The following EPHA5 variants were observed in gnomAD, a reference collection of about 807,000 sequenced individuals.
EPHA5 encodes the protein EPH receptor A5.
In EPHA5, 60 loss-of-function variants were observed where a neutral mutation model predicts 105.0. That is an observed-to-expected ratio of 0.57 (90% confidence interval 0.46 to 0.71). The LOEUF (loss-of-function observed/expected upper bound fraction) is 0.71, where lower values mean the gene tolerates loss of function less well. Among genes scored for constraint, EPHA5 ranks in the 30% least tolerant of loss-of-function variants. The pLI is 0.00. For synonymous variants in EPHA5, 513 were observed against 449.1 expected (o/e 1.14, Z -1.80); for missense variants, 1,218 against 1,274.7 (o/e 0.96, Z 0.68).
intron 8 of EPHA5, among the ~76,000 whole-genome samples, chr4:65,384,716 C>T (rs1351920931): frequency 4.0e-5 from 6 of 151,856 alleles, no homozygotes; most frequent in Non-Finnish European, 4.4e-5. Context: ...CAGCTTATTT[C>T]CACAGAAGAG....
At chr4:65,499,093 A>G (rs1027331672) in intron 3 of EPHA5, among the ~76,000 whole-genome samples, 1 of 151,422 alleles carries the variant, frequency 6.6e-6, no homozygotes, top group Non-Finnish European at 1.5e-5. Context: ...GCTCCTTATG[A>G]GCTCTGTTTC....
chr4:65,471,930 C>T (rs1010364360), intron 5 of EPHA5, among the ~76,000 whole-genome samples: 1 of 152,142 alleles, frequency 6.6e-6, no homozygotes, highest in African/African-American at 2.4e-5. Flanking sequence ...ATCATGCCTT[C>T]TCAACAGTCC....
chr4:65,614,856 A>G (rs1745089893), intron 2 of EPHA5, among the ~76,000 whole-genome samples: 1 of 151,990 alleles, frequency 6.6e-6, no homozygotes, highest in South Asian at 2.1e-4. Context: ...TACATATGCC[A>G]AAGTAAGTCT....
intron 3 of EPHA5, among the ~76,000 whole-genome samples, chr4:65,580,043 C>T (rs947594257): frequency 1.3e-5 from 2 of 151,742 alleles, no homozygotes; most frequent in African/African-American, 4.8e-5. Context: ...AGTGCTGAGC[C>T]TGCTAATAAT....
At chr4:65,508,339 G>T (rs187344012) in intron 3 of EPHA5, among the ~76,000 whole-genome samples, 32 of 152,178 alleles carry the variant, frequency 2.1e-4, no homozygotes, top group Non-Finnish European at 1.9e-4. Context: ...GTATGTTGTG[G>T]TTAACGCAAT....
chr4:65,399,128 A>T (rs1465280647), intron 8 of EPHA5, among the ~76,000 whole-genome samples: 4 of 152,148 alleles, frequency 2.6e-5, no homozygotes, highest in Admixed American at 6.5e-5. Flanking sequence ...GGGGCTTTGC[A>T]GTTTCTGGCA....
At chr4:65,605,867 GCT>G (rs1379136959) in intron 2 of EPHA5, among the ~76,000 whole-genome samples, 7 of 152,084 alleles carry the variant, frequency 4.6e-5, no homozygotes, top group Non-Finnish European at 8.8e-5. Flanking sequence ...GAGAATGAAA[GCT>G]CTCTATCCTA....
chr4:65,483,813 G>A (rs563487358), intron 5 of EPHA5, among the ~76,000 whole-genome samples: 1 of 152,198 alleles, frequency 6.6e-6, no homozygotes, highest in African/African-American at 2.4e-5. Context: ...GGCCCCTGAA[G>A]TCAAAGCTGT....
At chr4:65,417,834 C>A (rs1039005206) in intron 6 of EPHA5, among the ~76,000 whole-genome samples, 1 of 151,896 alleles carries the variant, frequency 6.6e-6, no homozygotes, top group Admixed American at 6.6e-5. Context: ...GAAGCAGCAA[C>A]GTTTTTTAAA....
Position 65,398,530 on chromosome 4 carries a change from G to A in EPHA5, c.1793+5844C>T, listed in dbSNP as rs113529453. On this transcript the variant is annotated intron_variant, in intron 8 of 16. Transcript: ENST00000613740. The stretch of plus-strand genomic sequence containing the variant: ...AAGCCAGGGATGGCCTGAAGCCTGG[G>A]GGCTAAGCTTTCACTTCTGTGATCC... Among the ~76,000 whole-genome samples the A allele has an allele frequency of 1.3e-3, 199 of 152,242 alleles. 1 individual carries two copies. The highest frequency in any genetic ancestry group is 4.5e-3 in the African/African-American group (187 of 41,550).
At chr4:65,665,557 CT>C (rs893959871) in intron 1 of EPHA5, among the ~76,000 whole-genome samples, 3 of 151,850 alleles carry the variant, frequency 2.0e-5, no homozygotes, top group African/African-American at 7.3e-5. Flanking sequence ...AAAAGTGCAC[CT>C]TTTTTTCCAT....
At chr4:65,499,048 A>G (rs1284689580) in intron 3 of EPHA5, among the ~76,000 whole-genome samples, 2 of 150,522 alleles carry the variant, frequency 1.3e-5, no homozygotes, top group South Asian at 4.2e-4. Flanking sequence ...TCCAACATCA[A>G]CAGGATTTTC....
intron 14 of EPHA5, among the ~76,000 whole-genome samples, chr4:65,345,759 C>T (rs1722155618): frequency 1.3e-5 from 2 of 150,092 alleles, no homozygotes; most frequent in Admixed American, 1.4e-4. Flanking sequence ...AATCATGCCT[C>T]TTCTTTTTCT....
intron 3 of EPHA5, among the ~76,000 whole-genome samples, chr4:65,547,401 A>C (rs1737482732): frequency 6.6e-6 from 1 of 151,882 alleles, no homozygotes; most frequent in African/African-American, 2.4e-5. Context: ...GAGATAAGGA[A>C]GCTGTTTTTA....
At chr4:65,415,085 T>A (rs1481442710) in intron 6 of EPHA5, among the ~76,000 whole-genome samples, 1 of 152,102 alleles carries the variant, frequency 6.6e-6, no homozygotes, top group African/African-American at 2.4e-5. Context: ...AGGAAAAAAA[T>A]TACTGGAAAG....
chr4:65,554,702 C>A (rs935211434), intron 3 of EPHA5, among the ~76,000 whole-genome samples: 2 of 151,658 alleles, frequency 1.3e-5, no homozygotes, highest in African/African-American at 4.8e-5. Flanking sequence ...AACATCTTTT[C>A]ATGTTAAATG....
chr4:65,353,966 G>A (rs1321010772), intron 11 of EPHA5, among the ~76,000 whole-genome samples: 1 of 151,724 alleles, frequency 6.6e-6, no homozygotes. Context: ...TTGACATGTA[G>A]CCTAGAGGTC....
intron 15 of EPHA5, among the ~76,000 whole-genome samples, chr4:65,333,058 G>A (rs867893288): frequency 6.6e-6 from 1 of 151,442 alleles, no homozygotes; most frequent in Non-Finnish European, 1.5e-5. Context: ...ATGACACTAC[G>A]TTCATATTCT....
chr4:65,527,431 G>A (rs141857685), intron 3 of EPHA5, among the ~76,000 whole-genome samples: 1 of 152,028 alleles, frequency 6.6e-6, no homozygotes, highest in South Asian at 2.1e-4. Context: ...GACACACACA[G>A]AGCAAATACA....
Sources: allele counts gnomAD v4.1 joint callset (sites outside exome capture counted in the v4.1 genomes callset), GRCh38; gene constraint gnomAD v4.1.1; transcripts MANE v1.5; gene names NCBI Gene and HGNC (gene_info 2026-07-23, HGNC 2026-07-21).